ZEB1: variants seen among roughly 807,000 people sequenced by gnomAD.
The protein encoded by ZEB1 is zinc finger E-box-binding homeobox 1.
Under a neutral mutation model 84.9 loss-of-function variants are expected in ZEB1, and 21 were observed. The ratio of observed to expected loss-of-function variants is 0.25; its 90% CI spans 0.18 to 0.36. The LOEUF (loss-of-function observed/expected upper bound fraction) is 0.36. Ranked by LOEUF, ZEB1 falls within the 10% of genes least tolerant of loss-of-function variation. The pLI, the probability that ZEB1 is intolerant of heterozygous loss-of-function variation, is 1.00. For missense variants in ZEB1, 1,104 were observed against 1,330.2 expected, an observed-to-expected ratio of 0.83 and a Z score of 2.65; for synonymous variants, 420 against 471.1, an observed-to-expected ratio of 0.89 and a Z score of 1.41.
intron 1 of ZEB1, among the ~76,000 whole-genome samples, chr10:31,430,127 T>C (rs2057535635): frequency 6.6e-6 from 1 of 152,200 alleles, no homozygotes; most frequent in African/African-American, 2.4e-5. Context: ...TTGCATATGA[T>C]TTTGAAATAT....
Position 31,510,855 on chromosome 10 carries a change from C to G in ZEB1, c.667C>G (p.His223Asp). ...CCAACTTGAACGTCACATGACATCA[C>G]ATAAATCAGGAAGAGATCAAGTAAG... ...RTQLERHMTS[H>D]KSGRDQRHVT... Residue 223 changes from histidine (H) to aspartate (D), a missense_variant, in exon 5 of 9, where the codon CAT becomes GAT. Physicochemically the swap from His to Asp is moderately conservative, Grantham distance 81. Transcript: ENST00000424869. The G allele has an allele frequency of 6.2e-7, 1 of 1,613,826 alleles. No homozygotes were observed. The highest frequency in any genetic ancestry group is 8.5e-7 in the Non-Finnish European group (1 of 1,179,844).
intron 1 of ZEB1, among the ~76,000 whole-genome samples, chr10:31,394,158 T>C (rs1418990663): frequency 2.0e-5 from 3 of 152,130 alleles, no homozygotes; most frequent in African/African-American, 7.2e-5. Flanking sequence ...TGAGGGACAT[T>C]AGATTTAATC....
intron 1 of ZEB1, among the ~76,000 whole-genome samples, chr10:31,369,585 T>G (rs2045313231): frequency 6.6e-6 from 1 of 152,218 alleles, no homozygotes; most frequent in Non-Finnish European, 1.5e-5. Context: ...ATATACCACA[T>G]TTCCTTGATT....
At chr10:31,318,929 C>A, upstream of ZEB1, 1 of 464,346 alleles carries the variant, frequency 2.2e-6, no homozygotes. Context: ...GCCTTTCTGA[C>A]CGCGTCCCTA....
intron 1 of ZEB1, among the ~76,000 whole-genome samples, chr10:31,376,464 A>G (rs1266998867): frequency 2.0e-5 from 3 of 151,804 alleles, no homozygotes; most frequent in Non-Finnish European, 3.0e-5. Context: ...GGTTTCTGAG[A>G]TACCAAGAAA....
intron 1 of ZEB1, among the ~76,000 whole-genome samples, chr10:31,382,771 A>G (rs2047923784): frequency 6.6e-6 from 1 of 152,180 alleles, no homozygotes; most frequent in South Asian, 2.1e-4. Context: ...ATTAAAAATT[A>G]TAAGGAAAGT....
chr10:31,526,923 G>C lies in ZEB1; in HGVS notation c.3037G>C (p.Gly1013Arg). 1 of 1,614,100 alleles carries C rather than the reference G, an allele frequency of 6.2e-7. No homozygotes were observed. The highest frequency in any genetic ancestry group is 1.1e-5 in the South Asian group (1 of 91,082). The change falls in exon 9 of 9, where the codon GGT becomes CGT. Residue 1013 changes from glycine to arginine, a missense_variant. By Grantham distance (125) the Gly-to-Arg change is moderately radical. Coordinates refer to ENST00000424869, the MANE Select transcript of ZEB1 (RefSeq NM_001174096.2). ...TGAAATCCTCTCGAATGAGCACGTG[G>C]GTGCCAGGGCGTCTCCCTCACAGGG... ...GPEILSNEHVGARASPSQGDS... is the reference protein window; with the variant it reads ...GPEILSNEHVRARASPSQGDS...
chr10:31,430,991 C>G (rs2057643635), intron 1 of ZEB1, among the ~76,000 whole-genome samples: 1 of 152,206 alleles, frequency 6.6e-6, no homozygotes, highest in East Asian at 1.9e-4. Flanking sequence ...AGGCCCAAAT[C>G]AGTACTGCTT....
intron 4 of ZEB1, among the ~76,000 whole-genome samples, chr10:31,504,636 A>G (rs1432552267): frequency 1.3e-5 from 2 of 151,818 alleles, no homozygotes; most frequent in Non-Finnish European, 2.9e-5. Context: ...TCTTTCATCA[A>G]TATTTTGTAG....
At position 31,524,003 on chromosome 10, in the gene ZEB1, C is replaced by T. The variant is rs369330183; in HGVS notation, c.2675C>T (p.Pro892Leu). ...VEDQNDSDSTPPKKKMRKTEN... is the reference protein window; with the variant it reads ...VEDQNDSDSTLPKKKMRKTEN... The stretch of plus-strand genomic sequence containing the variant: ...GATCAGAATGACTCTGATTCTACAC[C>T]GCCCAAAAAGAAAATGCGGAAGACA... Residue 892 changes from proline (P) to leucine (L), a missense_variant, in exon 8 of 9, where the codon CCG (proline) becomes CTG (leucine). Coordinates refer to ENST00000424869, the MANE Select transcript of ZEB1 (RefSeq NM_001174096.2). 1.5e-4 allele frequency: 239 copies of T among 1,613,662 alleles called. No homozygotes were observed. Among genetic ancestry groups the T allele is most frequent in the Non-Finnish European group, 2.0e-4 (232 of 1,179,892 alleles).
At chr10:31,365,350 G>A (rs2044252742) in intron 1 of ZEB1, among the ~76,000 whole-genome samples, 1 of 152,176 alleles carries the variant, frequency 6.6e-6, no homozygotes, top group South Asian at 2.1e-4. Context: ...ACATACTCTT[G>A]GGTGTCTGGA....
intron 1 of ZEB1, among the ~76,000 whole-genome samples, chr10:31,398,549 C>T (rs746980758): frequency 6.6e-6 from 1 of 152,058 alleles, no homozygotes; most frequent in Non-Finnish European, 1.5e-5. Flanking sequence ...ATCTTACTCC[C>T]AGTTCTCCTT....
chr10:31,523,078 T>C (rs1184271081), intron 7 of ZEB1, among the ~76,000 whole-genome samples: 4 of 152,246 alleles, frequency 2.6e-5, no homozygotes, highest in Non-Finnish European at 4.4e-5. Flanking sequence ...GACAAATGGC[T>C]GCACCTCTCT....
At chr10:31,381,578 G>A (rs1281000402) in intron 1 of ZEB1, 1 of 152,124 alleles carries the variant, frequency 6.6e-6, no homozygotes, top group African/African-American at 2.4e-5. Context: ...ATTTTATAGT[G>A]ATTCTGTAAT....
chr10:31,471,642 G>A (rs893341743), intron 2 of ZEB1, among the ~76,000 whole-genome samples: 1 of 147,326 alleles, frequency 6.8e-6, no homozygotes, highest in Middle Eastern at 3.4e-3. Context: ...GTCAACATTA[G>A]ACAGATCAAC....
intron 1 of ZEB1, among the ~76,000 whole-genome samples, chr10:31,350,511 T>A (rs1590184893): frequency 6.6e-6 from 1 of 152,176 alleles, no homozygotes; most frequent in Admixed American, 6.5e-5. Context: ...GACTACCTCA[T>A]GGAGACTTTG....
At chr10:31,320,294 G>A (rs2033560815) in intron 1 of ZEB1, 1 of 152,252 alleles carries the variant, frequency 6.6e-6, no homozygotes, top group Non-Finnish European at 1.5e-5. Flanking sequence ...TGGGCTTAGA[G>A]ACCGGGAAGC....
intron 2 of ZEB1, among the ~76,000 whole-genome samples, chr10:31,475,574 T>TC (rs2064030217): frequency 6.6e-6 from 1 of 152,096 alleles, no homozygotes; most frequent in Non-Finnish European, 1.5e-5. Context: ...TGAAGGAAGC[T>TC]CATCAACCTA....
chr10:31,440,156 C>T (rs2058749631), intron 1 of ZEB1, among the ~76,000 whole-genome samples: 2 of 152,208 alleles, frequency 1.3e-5, no homozygotes, highest in South Asian at 4.2e-4. Context: ...GGAGTCAAAA[C>T]TATCACTGAG....
Sources: allele counts gnomAD v4.1 joint callset (sites outside exome capture counted in the v4.1 genomes callset), GRCh38; gene constraint gnomAD v4.1.1; transcripts MANE v1.5; gene names NCBI Gene and HGNC (gene_info 2026-07-23, HGNC 2026-07-21).